NOL4: variants seen among roughly 807,000 people sequenced by gnomAD.
NOL4 encodes nucleolar protein 4.
Under a neutral mutation model 75.9 loss-of-function variants are expected in NOL4, and 17 were observed. The ratio of observed to expected loss-of-function variants is 0.22; its 90% CI spans 0.15 to 0.34. The LOEUF (loss-of-function observed/expected upper bound fraction) is 0.34, where lower values mean the gene tolerates loss of function less well. NOL4 is among the 10% of genes least tolerant of loss of function. NOL4 has a pLI of 1.00. For missense variants in NOL4, 614 were observed against 793.5 expected (o/e 0.77, Z 2.72); for synonymous variants, 292 against 289.9 (o/e 1.01, Z -0.07).
intron 1 of NOL4, among the ~76,000 whole-genome samples, chr18:34,142,689 G>T (rs1339000332): frequency 6.6e-6 from 1 of 152,130 alleles, no homozygotes; most frequent in Non-Finnish European, 1.5e-5. Context: ...TGTGGGGTGG[G>T]GGGAGGATGG....
At chr18:33,913,597 G>A (rs1351263694) in intron 9 of NOL4, among the ~76,000 whole-genome samples, 3 of 152,034 alleles carry the variant, frequency 2.0e-5, no homozygotes, top group Non-Finnish European at 4.4e-5. Context: ...CATTTTAAAA[G>A]GTTTAACGAC....
chr18:34,130,067 A>T, intron 1 of NOL4, 47 bp from the exon 2 acceptor site: 1 of 1,449,506 alleles, frequency 6.9e-7, no homozygotes, highest in Non-Finnish European at 9.1e-7. Flanking sequence ...TTAATAAACT[A>T]ATTTGCATTT....
chr18:33,944,272 C>CT (rs1421665192), intron 8 of NOL4, among the ~76,000 whole-genome samples: 4 of 151,826 alleles, frequency 2.6e-5, no homozygotes, highest in African/African-American at 9.6e-5. Flanking sequence ...TGAAACAAAC[C>CT]TTTTTTATAC....
At position 34,197,717 on chromosome 18, in the gene NOL4, T is replaced by C. The variant is rs193106773; in HGVS notation, c.264+25273A>G. Among the ~76,000 whole-genome samples, 1,144 of 135,000 alleles carry C rather than the reference T, an allele frequency of 8.5e-3. 11 individuals are homozygous for C. Among genetic ancestry groups the C allele is most frequent in the African/African-American group, 0.033 (1,070 of 32,168 alleles). 88.6% of individuals were successfully genotyped at this position (135,000 alleles called of 152,430 possible). On this transcript the variant is annotated intron_variant, in intron 1 of 10. Coordinates refer to ENST00000261592, the MANE Select transcript of NOL4 (RefSeq NM_003787.5). Reference sequence around the variant, plus strand: ...ATTCGGTGGAGAGGGTGGTGGAAGGTGGTTTGAATTCCTGGCAGAGGGAAC... The same window carrying C: ...ATTCGGTGGAGAGGGTGGTGGAAGGCGGTTTGAATTCCTGGCAGAGGGAAC...
At chr18:33,910,780 G>A (rs1341361092) in intron 9 of NOL4, among the ~76,000 whole-genome samples, 1 of 151,934 alleles carries the variant, frequency 6.6e-6, no homozygotes, top group Non-Finnish European at 1.5e-5. Flanking sequence ...GTGTGGTTTG[G>A]CTAGTATTCT....
At chr18:34,110,125 CCA>C (rs1272141281) in intron 2 of NOL4, among the ~76,000 whole-genome samples, 1 of 116,018 alleles carries the variant, frequency 8.6e-6, no homozygotes, top group East Asian at 2.3e-4. Context: ...CCCCGCCCTC[CCA>C]CAAAAAAAAA....
At chr18:34,148,850 C>T (rs1249574537) in intron 1 of NOL4, among the ~76,000 whole-genome samples, 1 of 151,876 alleles carries the variant, frequency 6.6e-6, no homozygotes, top group Non-Finnish European at 1.5e-5. Flanking sequence ...GAGTCTAAGT[C>T]TCTTTGTAAG....
At position 34,193,714 on chromosome 18, in the gene NOL4, C is replaced by T. The variant is rs558127503; in HGVS notation, c.264+29276G>A. Among the ~76,000 whole-genome samples, 4 of 152,192 alleles carry T rather than the reference C, an allele frequency of 2.6e-5. No individual in the cohort carries two copies. In the East Asian group the frequency reaches 7.7e-4, roughly 29 times the overall value. On this transcript the variant is annotated intron_variant, in intron 1 of 10. Transcript: ENST00000261592. ...TCAAAAATAGAACTACCATATGATCCAGCCATCCTACTACTGGGTATATAT... is the reference window on the plus strand; with the variant it reads ...TCAAAAATAGAACTACCATATGATCTAGCCATCCTACTACTGGGTATATAT...
chr18:33,996,275 C>T (rs1177818638), intron 6 of NOL4, among the ~76,000 whole-genome samples: 1 of 151,584 alleles, frequency 6.6e-6, no homozygotes, highest in East Asian at 1.9e-4. Flanking sequence ...AAGCAGTCTC[C>T]TAAAACTCTA....
chr18:34,204,717 C>G (rs1042009390), intron 1 of NOL4, among the ~76,000 whole-genome samples: 12 of 151,904 alleles, frequency 7.9e-5, no homozygotes, highest in Admixed American at 7.9e-4. Context: ...TATCTTTAGT[C>G]AGAGGTGGTA....
intron 4 of NOL4, among the ~76,000 whole-genome samples, chr18:34,096,085 TA>T (rs1338754691): frequency 1.3e-5 from 2 of 152,076 alleles, no homozygotes; most frequent in Non-Finnish European, 2.9e-5. Context: ...AAAATCAATA[TA>T]TTTTTTATCA....
At chr18:33,982,065 A>T (rs1000084954) in intron 6 of NOL4, among the ~76,000 whole-genome samples, 1 of 152,148 alleles carries the variant, frequency 6.6e-6, no homozygotes, top group African/African-American at 2.4e-5. Flanking sequence ...TTGATACGAT[A>T]AGAAAGGAGA....
intron 1 of NOL4, among the ~76,000 whole-genome samples, chr18:34,144,585 T>C (rs949982306): frequency 6.6e-6 from 1 of 152,142 alleles, no homozygotes; most frequent in African/African-American, 2.4e-5. Context: ...AAATGATGGG[T>C]TTATTTAAAG....
At chr18:33,877,376 C>T (rs866158551) in intron 10 of NOL4, among the ~76,000 whole-genome samples, 11 of 144,338 alleles carry the variant, frequency 7.6e-5, no homozygotes, top group Non-Finnish European at 1.3e-4. Flanking sequence ...GCTACTCAGA[C>T]GACTGAGGTG....
chr18:34,067,399 T>TA (rs1436517305), intron 5 of NOL4, among the ~76,000 whole-genome samples: 3 of 151,978 alleles, frequency 2.0e-5, no homozygotes, highest in African/African-American at 2.4e-5. Flanking sequence ...GGGCTTTGAG[T>TA]AAAAAAAGCC....
intron 10 of NOL4, among the ~76,000 whole-genome samples, chr18:33,862,479 C>T (rs552588445): frequency 3.5e-4 from 53 of 151,996 alleles, no homozygotes; most frequent in East Asian, 1.6e-3. Context: ...CAGAGTGAAC[C>T]GGCAACGCAC....
chr18:33,867,437 T>C (rs1197551035), intron 10 of NOL4, among the ~76,000 whole-genome samples: 1 of 152,160 alleles, frequency 6.6e-6, no homozygotes. Flanking sequence ...AATGTACAGA[T>C]AAATTTTACA....
At chr18:34,214,864 A>T (rs1385022576) in intron 1 of NOL4, among the ~76,000 whole-genome samples, 1 of 152,184 alleles carries the variant, frequency 6.6e-6, no homozygotes, top group Non-Finnish European at 1.5e-5. Context: ...TATAATTATA[A>T]CATGGATGAA....
At chr18:34,024,194 A>AAATATATATATATAT in intron 5 of NOL4, among the ~76,000 whole-genome samples, 22 of 70,686 alleles carry the variant, frequency 3.1e-4, no homozygotes, top group Admixed American at 1.2e-3. Flanking sequence ...AAAAAAAAAA[A>AAATATATATATATAT]ATATATATAT....
Sources: allele counts gnomAD v4.1 joint callset (sites outside exome capture counted in the v4.1 genomes callset), GRCh38; gene constraint gnomAD v4.1.1; transcripts MANE v1.5; gene names NCBI Gene and HGNC (gene_info 2026-07-23, HGNC 2026-07-21).